Variants in EXOC6B observed in about 807,000 individuals in gnomAD.
The protein encoded by EXOC6B is exocyst complex component 6B, also known as SEC15 homolog B.
EXOC6B carries 54 observed loss-of-function variants against 113.5 expected under a neutral mutation model. The ratio of observed to expected loss-of-function variants is 0.48; its 90% CI spans 0.38 to 0.60. The LOEUF is 0.60. Among genes scored for constraint, EXOC6B ranks in the 20% least tolerant of loss-of-function variants. The probability of loss-of-function intolerance (pLI) is 0.00; values close to 1 mark genes in which losing one functional copy is unlikely to be tolerated. For synonymous variants in EXOC6B, 357 were observed against 339.0 expected (o/e 1.05, Z -0.58); for missense variants, 797 against 977.5 (o/e 0.82, Z 2.46).
Position 72,184,151 on chromosome 2 carries a change from A to G in EXOC6B, c.2233T>C (p.Tyr745His). ...TTGGGCTGACCATAGTCAGCAAGGT[A>G]GGTTGACCAATCCCACTGGATGAAA... ...DLFIQWDWST[Y>H]LADYGQPNCK... Residue 745 changes from tyrosine (Y) to histidine (H), a missense_variant, in exon 21 of 22, where the codon TAC (tyrosine) becomes CAC (histidine). Coordinates refer to ENST00000272427, the MANE Select transcript of EXOC6B (RefSeq NM_015189.3). The G allele has an allele frequency of 6.4e-7, 1 of 1,560,204 alleles. No individual in the cohort carries two copies. Among genetic ancestry groups the G allele is most frequent in the Non-Finnish European group, 8.7e-7 (1 of 1,151,294 alleles).
At chr2:72,650,854 A>G (rs1214160133) in intron 6 of EXOC6B, among the ~76,000 whole-genome samples, 1 of 150,822 alleles carries the variant, frequency 6.6e-6, no homozygotes, top group Non-Finnish European at 1.5e-5. Flanking sequence ...CAGTACATCC[A>G]CTCTGGAAAA....
At chr2:72,290,296 T>C (rs1239201385) in intron 20 of EXOC6B, among the ~76,000 whole-genome samples, 2 of 152,222 alleles carry the variant, frequency 1.3e-5, no homozygotes, top group African/African-American at 4.8e-5. Flanking sequence ...TTTTATAGAC[T>C]CTTGTTTCGG....
intron 20 of EXOC6B, among the ~76,000 whole-genome samples, chr2:72,323,432 C>T (rs1008202750): frequency 1.3e-5 from 2 of 152,156 alleles, no homozygotes; most frequent in African/African-American, 4.8e-5. Flanking sequence ...TGTGGCAATT[C>T]CTCAAGGATC....
rs1183363110 is a variant in EXOC6B at position 72,401,507 on chromosome 2, A to G, written c.1981-21637T>C. On this transcript the variant is annotated intron_variant, in intron 18 of 21. Transcript: ENST00000272427. ...ATATTTTATATACATATATATATAT[A>G]TATATATACATATATACATATATAT... Among the ~76,000 whole-genome samples, 11 of 51,444 alleles carry G rather than the reference A, an allele frequency of 2.1e-4. 1 individual carries two copies. Among genetic ancestry groups the G allele is most frequent in the Admixed American group, 1.2e-3 (5 of 4,120 alleles). 33.7% of individuals were successfully genotyped at this position (51,444 alleles called of 152,430 possible).
intron 18 of EXOC6B, among the ~76,000 whole-genome samples, chr2:72,433,814 G>A (rs375599003): frequency 6.6e-6 from 1 of 152,146 alleles, no homozygotes; most frequent in Non-Finnish European, 1.5e-5. Flanking sequence ...CTGAGACGAT[G>A]GGGTTTTCTA....
intron 18 of EXOC6B, among the ~76,000 whole-genome samples, chr2:72,403,558 C>T (rs1693491501): frequency 6.6e-6 from 1 of 151,998 alleles, no homozygotes; most frequent in South Asian, 2.1e-4. Context: ...ATAACCCAGG[C>T]ATGGTGGTGC....
intron 2 of EXOC6B, among the ~76,000 whole-genome samples, chr2:72,736,971 A>G (rs574473835): frequency 6.6e-6 from 1 of 152,312 alleles, no homozygotes; most frequent in African/African-American, 2.4e-5. Flanking sequence ...TTGTCCAGCT[A>G]AGGCTGATCA....
chr2:72,770,942 C>T (rs929149959), intron 1 of EXOC6B, among the ~76,000 whole-genome samples: 3 of 152,084 alleles, frequency 2.0e-5, no homozygotes, highest in Non-Finnish European at 4.4e-5. Flanking sequence ...TCTTCCCCCT[C>T]GCCCCCAGAA....
At chr2:72,615,274 T>A (rs1338084795) in intron 6 of EXOC6B, among the ~76,000 whole-genome samples, 2 of 152,114 alleles carry the variant, frequency 1.3e-5, no homozygotes, top group African/African-American at 4.8e-5. Context: ...AATAATTTTA[T>A]ATATGAAATC....
At chr2:72,463,248 T>C (rs1419910445) in intron 18 of EXOC6B, 1 of 152,150 alleles carries the variant, frequency 6.6e-6, no homozygotes, top group Admixed American at 6.6e-5. Context: ...TTTTTGTGTG[T>C]GCTCTTTTTG....
chr2:72,719,192 C>A (rs1324572780), intron 5 of EXOC6B, among the ~76,000 whole-genome samples: 1 of 152,084 alleles, frequency 6.6e-6, no homozygotes, highest in Non-Finnish European at 1.5e-5. Flanking sequence ...CAGCAGCTTT[C>A]CTGAGATGAG....
intron 20 of EXOC6B, among the ~76,000 whole-genome samples, chr2:72,284,830 AC>A (rs1685329494): frequency 6.6e-6 from 1 of 152,084 alleles, no homozygotes; most frequent in African/African-American, 2.4e-5. Flanking sequence ...CCTATATACC[AC>A]CAATGAACAA....
chr2:72,537,022 G>A lies in EXOC6B; in HGVS notation c.916-21896C>T, dbSNP rs1702328240. Among the ~76,000 whole-genome samples the A allele has an allele frequency of 2.0e-5, 3 of 152,154 alleles. No individual in the cohort carries two copies. The South Asian group carries it at 6.2e-4, about 32-fold the overall frequency. ...GTACATATTTTAGGTTAATTTCTAT[G>A]TAACCTCTTAGAAGTTTCTTCATGG... On this transcript the variant is annotated intron_variant, in intron 8 of 21. Coordinates refer to ENST00000272427, the MANE Select transcript of EXOC6B (RefSeq NM_015189.3).
chr2:72,226,639 GT>G (rs1328713378), intron 20 of EXOC6B, among the ~76,000 whole-genome samples: 1 of 152,056 alleles, frequency 6.6e-6, no homozygotes, highest in African/African-American at 2.4e-5. Flanking sequence ...AAAAATCTAG[GT>G]TTACTTAGGT....
chr2:72,783,341 TTG>T (rs1684177035), intron 1 of EXOC6B, among the ~76,000 whole-genome samples: 1 of 144,620 alleles, frequency 6.9e-6, no homozygotes. Flanking sequence ...TTTTTTTTTT[TTG>T]AGATGGAGTC....
At chr2:72,298,310 G>C (rs1686276678) in intron 20 of EXOC6B, among the ~76,000 whole-genome samples, 1 of 151,964 alleles carries the variant, frequency 6.6e-6, no homozygotes, top group African/African-American at 2.4e-5. Flanking sequence ...TGCAACCCCT[G>C]CTTTTTTTTT....
intron 7 of EXOC6B, among the ~76,000 whole-genome samples, chr2:72,565,604 G>GA (rs1462761897): frequency 6.6e-6 from 1 of 151,590 alleles, no homozygotes; most frequent in Admixed American, 6.6e-5. Context: ...CAATAATGAA[G>GA]AAAAAAACCA....
rs573729224 is a variant in EXOC6B, at chr2:72,644,220, A to C, written c.670-68552T>G. Among the ~76,000 whole-genome samples the C allele has an allele frequency of 1.5e-3, 233 of 152,316 alleles. 1 individual carries two copies. The highest frequency in any genetic ancestry group is 5.5e-3 in the African/African-American group (229 of 41,568). On this transcript the variant is annotated intron_variant, in intron 6 of 21. Coordinates refer to ENST00000272427, the MANE Select transcript of EXOC6B (RefSeq NM_015189.3). ...CAGTGATTGAAGATCAAATTAATGA[A>C]ATGAAGCAAGAAGATAAGTTTAGAG...
chr2:72,448,241 C>G (rs1283640350), intron 18 of EXOC6B, among the ~76,000 whole-genome samples: 1 of 152,144 alleles, frequency 6.6e-6, no homozygotes, highest in East Asian at 1.9e-4. Flanking sequence ...CCTTTCTCTT[C>G]TACCAGATGC....
Sources: allele counts gnomAD v4.1 joint callset (sites outside exome capture counted in the v4.1 genomes callset), GRCh38; gene constraint gnomAD v4.1.1; transcripts MANE v1.5; gene names NCBI Gene and HGNC (gene_info 2026-07-23, HGNC 2026-07-21).